The following SLC8A1 variants were observed in gnomAD, a reference collection of about 807,000 sequenced individuals.
The protein encoded by SLC8A1 is solute carrier family 8 member A1, also known as sodium/calcium exchanger 1.
SLC8A1 carries 18 observed loss-of-function variants against 68.3 expected under a neutral mutation model. The ratio of observed to expected loss-of-function variants is 0.26; its 90% CI spans 0.18 to 0.39. The LOEUF (loss-of-function observed/expected upper bound fraction) is 0.39, where lower values mean the gene tolerates loss of function less well. Among genes scored for constraint, SLC8A1 ranks in the 10% least tolerant of loss-of-function variants. The pLI, the probability that SLC8A1 is intolerant of heterozygous loss-of-function variation, is 1.00. For synonymous variants in SLC8A1, 475 were observed against 415.5 expected (o/e 1.14, Z -1.74); for missense variants, 985 against 1,156.7 (o/e 0.85, Z 2.15).
intron 7 of SLC8A1, among the ~76,000 whole-genome samples, chr2:40,130,708 G>T (rs1030571906): frequency 2.6e-5 from 4 of 152,226 alleles, no homozygotes; most frequent in African/African-American, 4.8e-5. Context: ...TTAGGGTAAA[G>T]TCACTCTGTT....
intron 2 of SLC8A1, among the ~76,000 whole-genome samples, chr2:40,389,440 A>G (rs546462311): frequency 2.0e-5 from 3 of 152,272 alleles, no homozygotes; most frequent in African/African-American, 7.2e-5. Context: ...ACTCTGAAAG[A>G]TAAAACAGAC....
chr2:40,233,773 A>C (rs1360497309), intron 2 of SLC8A1, among the ~76,000 whole-genome samples: 3 of 151,768 alleles, frequency 2.0e-5, no homozygotes, highest in Non-Finnish European at 4.4e-5. Flanking sequence ...TGATTTTTGT[A>C]TAAGGTGTCA....
chr2:40,290,288 GT>G (rs1235183447), intron 2 of SLC8A1, among the ~76,000 whole-genome samples: 3 of 151,512 alleles, frequency 2.0e-5, no homozygotes, highest in Non-Finnish European at 4.4e-5. Flanking sequence ...TTGTTTCTTT[GT>G]TTTTATCTTG....
Position 40,235,181 on chromosome 2 carries a change from T to C in SLC8A1, c.1809-57326A>G, listed in dbSNP as rs1350305682. 2.0e-5 allele frequency among the ~76,000 whole-genome samples: 3 copies of C among 151,910 alleles called. No individual in the cohort carries two copies. The East Asian group carries it at 5.8e-4, about 29-fold the overall frequency. On this transcript the variant is annotated intron_variant, in intron 2 of 7. Transcript: ENST00000406785. ...ATAGTTTCAGAAGGAATGGTACCAG[T>C]TCCTCCTTGTACCTCTGGTAGAATT...
chr2:40,357,267 G>C (rs1255878501), intron 2 of SLC8A1, among the ~76,000 whole-genome samples: 1 of 152,116 alleles, frequency 6.6e-6, no homozygotes, highest in Non-Finnish European at 1.5e-5. Flanking sequence ...CGAAGCAGGA[G>C]GATCCCTTGA....
intron 2 of SLC8A1, among the ~76,000 whole-genome samples, chr2:40,198,467 T>C (rs2053511765): frequency 6.6e-6 from 1 of 152,006 alleles, no homozygotes; most frequent in Admixed American, 6.6e-5. Flanking sequence ...AATTAATTCA[T>C]ATCACTTCTA....
At chr2:40,199,073 G>A (rs2053638015) in intron 2 of SLC8A1, among the ~76,000 whole-genome samples, 1 of 136,664 alleles carries the variant, frequency 7.3e-6, no homozygotes, top group African/African-American at 2.6e-5. Flanking sequence ...GAAAATGCCA[G>A]CTGATATAAT....
At chr2:40,250,907 G>C (rs2062639979) in intron 2 of SLC8A1, 4 of 152,140 alleles carry the variant, frequency 2.6e-5, no homozygotes, top group Admixed American at 2.6e-4. Context: ...CAATACTAAG[G>C]AGGGTCAGAA....
exon 8 of SLC8A1, chr2:40,102,095 A>G (rs899910161): frequency 1.3e-5 from 2 of 152,186 alleles, no homozygotes; most frequent in African/African-American, 4.8e-5. Flanking sequence ...TATTTGTGCT[A>G]GTTTAATTAT....
intron 1 of SLC8A1, among the ~76,000 whole-genome samples, chr2:40,465,806 T>A (rs936754106): frequency 6.6e-6 from 1 of 152,216 alleles, no homozygotes. Flanking sequence ...GGAAAACTTA[T>A]CTTCAATGCA....
chr2:40,259,485 CTTTTT>C (rs983185537), intron 2 of SLC8A1, among the ~76,000 whole-genome samples: 14 of 151,994 alleles, frequency 9.2e-5, no homozygotes, highest in Non-Finnish European at 1.9e-4. Context: ...AATCTTTTTT[CTTTTT>C]TAATTTTTAA....
At chr2:40,341,630 A>T (rs1667722925) in intron 2 of SLC8A1, among the ~76,000 whole-genome samples, 1 of 152,220 alleles carries the variant, frequency 6.6e-6, no homozygotes. Flanking sequence ...TTTCTTAATT[A>T]CCCTAAGCCT....
chr2:40,254,706 G>C (rs1334636910), intron 2 of SLC8A1: 1 of 152,124 alleles, frequency 6.6e-6, no homozygotes, highest in Admixed American at 6.5e-5. Flanking sequence ...TAACTAACTG[G>C]TCAATTATCA....
intron 1 of SLC8A1, among the ~76,000 whole-genome samples, chr2:40,511,100 T>C (rs10490255): frequency 0.097 from 14,722 of 152,224 alleles, 1,268 homozygotes; most frequent in East Asian, 0.43. Context: ...TTCCATGTCA[T>C]GTCTGTCATC....
chr2:40,356,240 A>G (rs1412115301), intron 2 of SLC8A1, among the ~76,000 whole-genome samples: 1 of 152,164 alleles, frequency 6.6e-6, no homozygotes. Context: ...CTGCTCCTTA[A>G]GTGTGAAGAC....
At chr2:40,467,514 AGCT>A (rs1559751564) in intron 1 of SLC8A1, among the ~76,000 whole-genome samples, 1 of 152,126 alleles carries the variant, frequency 6.6e-6, no homozygotes, top group Non-Finnish European at 1.5e-5. Context: ...AAACATTGGC[AGCT>A]GCTATTGTTG....
intron 7 of SLC8A1, among the ~76,000 whole-genome samples, chr2:40,122,477 T>C (rs942025468): frequency 6.6e-6 from 1 of 152,178 alleles, no homozygotes; most frequent in African/African-American, 2.4e-5. Context: ...CAGCGATAAG[T>C]AAAAAGTTCA....
At chr2:40,383,668 C>T (rs550234752) in intron 2 of SLC8A1, among the ~76,000 whole-genome samples, 1 of 152,006 alleles carries the variant, frequency 6.6e-6, no homozygotes, top group Non-Finnish European at 1.5e-5. Flanking sequence ...ATACTTAATA[C>T]ATAAACAAGT....
At chr2:40,229,696 C>T (rs1269193624) in intron 2 of SLC8A1, among the ~76,000 whole-genome samples, 1 of 151,894 alleles carries the variant, frequency 6.6e-6, no homozygotes, top group Non-Finnish European at 1.5e-5. Context: ...CCAAACATAA[C>T]CTAACAACTA....
Sources: gnomAD v4.1 joint callset for allele counts (sites outside exome capture counted in the v4.1 genomes callset) on GRCh38, gnomAD v4.1.1 for gene constraint, MANE v1.5 for transcripts, NCBI Gene and HGNC (gene_info 2026-07-23, HGNC 2026-07-21) for gene names.